The following HSPBAP1 variants were observed in gnomAD, a reference collection of about 807,000 sequenced individuals.
HSPBAP1 encodes HSPB1 associated protein 1, also known as HSPB1-associated protein 1.
In HSPBAP1, 27 loss-of-function variants were observed where a neutral mutation model predicts 45.2. The ratio of observed to expected loss-of-function variants is 0.60; its 90% confidence interval spans 0.44 to 0.82. The LOEUF (loss-of-function observed/expected upper bound fraction) is 0.82. Among genes scored for constraint, HSPBAP1 ranks in the 40% least tolerant of loss-of-function variants. The pLI is 0.00. For missense variants in HSPBAP1, 510 were observed against 590.9 expected (o/e 0.86, Z 1.42); for synonymous variants, 204 against 202.7 (o/e 1.01, Z -0.06).
intron 3 of HSPBAP1, among the ~76,000 whole-genome samples, 192 bp downstream of exon 3, chr3:122,768,509 C>G (rs1392874021): frequency 2.0e-5 from 3 of 152,170 alleles, no homozygotes; most frequent in Non-Finnish European, 4.4e-5. Context: ...ACAAGGAAGC[C>G]TGCTCATCTG....
rs548551907 is a variant in HSPBAP1, at chr3:122,752,908, C to T, written c.742-234G>A. 152 of 1,225,818 alleles carry T rather than the reference C, an allele frequency of 1.2e-4. No individual in the cohort carries two copies. In the African/African-American group the frequency reaches 2.2e-3, roughly 18 times the overall value. The allele number at this position is 1,225,818 out of a possible 1,614,324, so 75.9% of individuals were successfully genotyped here. A position where few individuals can be genotyped will look rare whatever the true frequency, so the allele number is the denominator to read the frequency against. On this transcript the variant is annotated intron_variant, in intron 5 of 7. Coordinates refer to ENST00000306103, the MANE Select transcript of HSPBAP1 (RefSeq NM_024610.6). ...AGGATACTGCCAGCATCTCTATTCTCTTTAATCCTGGGCCTTCTTTGTCTG... is the reference window on the plus strand; with the variant it reads ...AGGATACTGCCAGCATCTCTATTCTTTTTAATCCTGGGCCTTCTTTGTCTG...
chr3:122,781,282 C>T (rs1347619508), intron 1 of HSPBAP1, among the ~76,000 whole-genome samples: 5 of 152,270 alleles, frequency 3.3e-5, no homozygotes, highest in African/African-American at 9.6e-5. Flanking sequence ...ACTGAGTGAA[C>T]GAGACTCCGC....
Position 122,755,343 on chromosome 3 carries a change from T to C in HSPBAP1, c.658A>G (p.Ile220Val), listed in dbSNP as rs1240435330. The C allele has an allele frequency of 6.2e-7, 1 of 1,606,812 alleles. No homozygotes were observed. The highest frequency in any genetic ancestry group is 1.7e-5 in the Admixed American group (1 of 59,202). The change falls in exon 5 of 8, where the codon ATC becomes GTC. Residue 220 changes from isoleucine (I) to valine (V), a missense_variant. Physicochemically the swap from Ile to Val is conservative, Grantham distance 29. Transcript: ENST00000306103. The stretch of plus-strand genomic sequence containing the variant: ...TTTAAATCAGGATTGACAACATTGA[T>C]TTTACTGAACACACTAGATTCTTCA... ...PYEESSVFSKINVVNPDLKRF... is the reference protein window; with the variant it reads ...PYEESSVFSKVNVVNPDLKRF...
chr3:122,747,934 T>C (rs1933970246), intron 6 of HSPBAP1, among the ~76,000 whole-genome samples: 1 of 152,122 alleles, frequency 6.6e-6, no homozygotes, highest in Admixed American at 6.5e-5. Flanking sequence ...TTTTGTGGAA[T>C]AGAAAGGGGG....
At position 122,772,360 on chromosome 3, in the gene HSPBAP1, G is replaced by A. The variant is rs535342707; in HGVS notation, c.251-3478C>T. On this transcript the variant is annotated intron_variant, in intron 2 of 7. Transcript: ENST00000306103. ...TATATAAGAAAAAAGAGTAATTAGG[G>A]AGGATGAATTGTATATTCAAATATT... Among the ~76,000 whole-genome samples the A allele has an allele frequency of 7.9e-5, 12 of 152,218 alleles. No homozygotes were observed. In the South Asian group the frequency reaches 2.3e-3, roughly 29 times the overall value.
intron 5 of HSPBAP1, chr3:122,753,745 G>A (rs909851638): frequency 2.0e-6 from 2 of 985,008 alleles, no homozygotes; most frequent in Non-Finnish European, 2.4e-6. Flanking sequence ...ACTATAAAAG[G>A]CCACTTGATA....
intron 6 of HSPBAP1, among the ~76,000 whole-genome samples, chr3:122,747,869 G>C (rs1002458650): frequency 1.3e-5 from 2 of 152,092 alleles, no homozygotes; most frequent in Non-Finnish European, 2.9e-5. Context: ...CCGCCACCCC[G>C]TCTGGGAGGT....
At chr3:122,780,775 G>C (rs1269944446) in intron 1 of HSPBAP1, among the ~76,000 whole-genome samples, 2 of 149,882 alleles carry the variant, frequency 1.3e-5, no homozygotes, top group Admixed American at 6.6e-5. Flanking sequence ...GCTGCCGGGC[G>C]GAGGGGCTCC....
intron 2 of HSPBAP1, among the ~76,000 whole-genome samples, chr3:122,774,730 A>C (rs1935128032): frequency 6.6e-6 from 1 of 152,204 alleles, no homozygotes; most frequent in Non-Finnish European, 1.5e-5. Flanking sequence ...CGCCCACTAG[A>C]GGATGGCTGT....
intron 1 of HSPBAP1, among the ~76,000 whole-genome samples, chr3:122,783,550 C>T (rs1403165013): frequency 6.6e-6 from 1 of 152,160 alleles, no homozygotes; most frequent in Non-Finnish European, 1.5e-5. Flanking sequence ...AAACATGATT[C>T]AGTACTTTTT....
chr3:122,780,482 G>C (rs1935400410), intron 1 of HSPBAP1, among the ~76,000 whole-genome samples: 1 of 121,748 alleles, frequency 8.2e-6, no homozygotes, highest in Non-Finnish European at 1.7e-5. Flanking sequence ...TCACCTCCCG[G>C]ACGGGGCAGC....
In HSPBAP1 at chr3:122,740,600, T is replaced by C. The variant is rs1933628852; in HGVS notation, c.1212A>G (p.Ser404=). The C allele has an allele frequency of 1.2e-6, 2 of 1,614,118 alleles. No homozygotes were observed. Among genetic ancestry groups the C allele is most frequent in the Non-Finnish European group, 1.7e-6 (2 of 1,180,050 alleles). ...CACTTCCAAATATGCCTCCTCTTTC[T>C]GAAGGCGGTTCTTCGGACCTCTGTG... is the stretch of plus-strand genomic sequence containing the variant. ...PVAQRSEEPP[S]ERGGIFGSDG... The change falls in exon 8 of 8, where the codon TCA becomes TCG. Residue 404 remains serine (S), a synonymous_variant. Transcript: ENST00000306103.
intron 2 of HSPBAP1, among the ~76,000 whole-genome samples, chr3:122,774,849 G>C (rs1935134012): frequency 6.6e-6 from 1 of 152,222 alleles, no homozygotes; most frequent in Non-Finnish European, 1.5e-5. Context: ...TCTGGTGTAA[G>C]AAGCTTCACA....
intron 3 of HSPBAP1, among the ~76,000 whole-genome samples, chr3:122,759,594 T>TA (rs1343429490): frequency 6.6e-6 from 1 of 152,236 alleles, no homozygotes; most frequent in Non-Finnish European, 1.5e-5. Flanking sequence ...ACTGACTACT[T>TA]ACAACATGCC....
chr3:122,752,527 A>T, intron 6 of HSPBAP1, 64 bp downstream of exon 6: 1 of 983,604 alleles, frequency 1.0e-6, no homozygotes, highest in Non-Finnish European at 1.5e-6. Context: ...GCCAGACCTT[A>T]TATATCTTTT....
intron 5 of HSPBAP1, chr3:122,753,496 T>G (rs1934234397): frequency 1.0e-6 from 1 of 982,480 alleles, no homozygotes; most frequent in African/African-American, 1.7e-5. Flanking sequence ...AGGAGATACT[T>G]GCAAAGGTCC....
rs755419175 is a variant in HSPBAP1, at chr3:122,777,879, T to C, written c.92A>G (p.Glu31Gly). The C allele has an allele frequency of 6.2e-6, 10 of 1,613,254 alleles. No individual in the cohort carries two copies. The Admixed American group carries it at 1.7e-4, about 27-fold the overall frequency. The change falls in exon 2 of 8, where the codon GAG becomes GGG. Residue 31 changes from glutamate to glycine, a missense_variant. By Grantham distance (98) the Glu-to-Gly change is moderately conservative. Transcript: ENST00000306103. ...EGEHVKPFKP[E>G]KAKEIIMSLQ... Reference sequence around the variant, plus strand: ...AGACATGATAATTTCTTTTGCTTTCTCTGGCTTAAAAGGTTTGACATGTTC... The same window carrying C: ...AGACATGATAATTTCTTTTGCTTTCCCTGGCTTAAAAGGTTTGACATGTTC...
chr3:122,792,697 A>G (rs1395412676), intron 1 of HSPBAP1, among the ~76,000 whole-genome samples: 1 of 151,958 alleles, frequency 6.6e-6, no homozygotes, highest in Non-Finnish European at 1.5e-5. Context: ...ACATGGTGAA[A>G]CCCCGTCTCT....
chr3:122,780,190 C>G (rs1175080022), intron 1 of HSPBAP1, among the ~76,000 whole-genome samples: 1 of 72,182 alleles, frequency 1.4e-5, no homozygotes, highest in South Asian at 5.2e-4. Flanking sequence ...GGGGGGCTGA[C>G]CCCCCCACCT....
Sources: gnomAD v4.1 joint callset for allele counts (sites outside exome capture counted in the v4.1 genomes callset) on GRCh38, gnomAD v4.1.1 for gene constraint, MANE v1.5 for transcripts, NCBI Gene and HGNC (gene_info 2026-07-23, HGNC 2026-07-21) for gene names.